SIPA1L2: variants seen among roughly 807,000 people sequenced by gnomAD.
SIPA1L2 encodes signal-induced proliferation-associated 1-like protein 2.
Under a neutral mutation model 163.9 loss-of-function variants are expected in SIPA1L2, and 56 were observed. The observed-to-expected ratio is 0.34, with a 90% CI of 0.28 to 0.43. SIPA1L2 has a LOEUF of 0.43. Ranked by LOEUF, SIPA1L2 falls within the 20% of genes least tolerant of loss-of-function variation. SIPA1L2 has a pLI of 1.00. For synonymous variants in SIPA1L2, 877 were observed against 865.7 expected, an observed-to-expected ratio of 1.01 and a Z score of -0.23; for missense variants, 1,974 against 2,193.5, an observed-to-expected ratio of 0.90 and a Z score of 2.00.
At chr1:232,544,050 A>G (rs1401389776) in intron 2 of SIPA1L2, among the ~76,000 whole-genome samples, 3 of 152,166 alleles carry the variant, frequency 2.0e-5, no homozygotes, top group Non-Finnish European at 2.9e-5. Flanking sequence ...ATATTTTCAC[A>G]GCAAATGTTT....
At chr1:232,592,919 T>C (rs966661166) in intron 1 of SIPA1L2, among the ~76,000 whole-genome samples, 1 of 152,106 alleles carries the variant, frequency 6.6e-6, no homozygotes, top group African/African-American at 2.4e-5. Context: ...TAGTCCCAAG[T>C]AATGAAGAGA....
chr1:232,399,051 C>T lies in SIPA1L2; in HGVS notation c.*76G>A, dbSNP rs1232859261. On this transcript the variant is annotated 3_prime_UTR_variant, in exon 23 of 23. Coordinates refer to ENST00000674635, the MANE Select transcript of SIPA1L2 (RefSeq NM_020808.5). The stretch of plus-strand genomic sequence containing the variant: ...ACATCTACGATTGGTTGAAAGCACA[C>T]AGAAAAACCACATGTTTGTGACTTC... The T allele has an allele frequency of 1.3e-6, 2 of 1,594,636 alleles. No individual in the cohort carries two copies. Among genetic ancestry groups the T allele is most frequent in the African/African-American group, 2.7e-5 (2 of 74,564 alleles).
chr1:232,580,629 C>T (rs895124721), intron 1 of SIPA1L2, among the ~76,000 whole-genome samples: 1 of 152,140 alleles, frequency 6.6e-6, no homozygotes, highest in African/African-American at 2.4e-5. Context: ...GCAGATGAAA[C>T]CTCACATGGG....
intron 10 of SIPA1L2, among the ~76,000 whole-genome samples, chr1:232,458,620 G>A (rs1664058432): frequency 6.6e-6 from 1 of 152,134 alleles, no homozygotes; most frequent in African/African-American, 2.4e-5. Context: ...ATAGTAATCG[G>A]CTGCTAGGAC....
chr1:232,519,708 G>A (rs1667377812), intron 2 of SIPA1L2, among the ~76,000 whole-genome samples: 1 of 152,138 alleles, frequency 6.6e-6, no homozygotes, highest in Non-Finnish European at 1.5e-5. Flanking sequence ...TTTTTCCTTA[G>A]AAAGCAAACG....
chr1:232,527,880 T>C (rs2103075855), intron 2 of SIPA1L2, among the ~76,000 whole-genome samples: 1 of 151,206 alleles, frequency 6.6e-6, no homozygotes, highest in East Asian at 1.9e-4. Flanking sequence ...TACAAGTATG[T>C]ACCACCATGC....
chr1:232,541,578 C>T (rs1342962607), intron 2 of SIPA1L2, among the ~76,000 whole-genome samples: 2 of 152,190 alleles, frequency 1.3e-5, no homozygotes, highest in Non-Finnish European at 2.9e-5. Context: ...TCAATATCTG[C>T]ATCTCTTAGT....
chr1:232,403,919 G>C (rs973782887), intron 20 of SIPA1L2, among the ~76,000 whole-genome samples: 8 of 152,120 alleles, frequency 5.3e-5, no homozygotes, highest in Non-Finnish European at 1.0e-4. Context: ...ATAATGACTC[G>C]ACTGACAGAA....
intron 2 of SIPA1L2, among the ~76,000 whole-genome samples, chr1:232,561,878 G>C (rs149441628): frequency 1.3e-5 from 2 of 152,190 alleles, no homozygotes; most frequent in Non-Finnish European, 2.9e-5. Context: ...TGGGTACTTC[G>C]GCAAAGGCCT....
chr1:232,512,573 C>T (rs1031812835), intron 3 of SIPA1L2, among the ~76,000 whole-genome samples: 20 of 152,212 alleles, frequency 1.3e-4, no homozygotes, highest in African/African-American at 3.4e-4. Flanking sequence ...TTTGCAGGGA[C>T]ATGGATGAAG....
intron 1 of SIPA1L2, among the ~76,000 whole-genome samples, chr1:232,628,910 G>T (rs1188947945): frequency 6.7e-6 from 1 of 149,914 alleles, no homozygotes; most frequent in African/African-American, 2.5e-5. Context: ...ATTCTTTGAG[G>T]GTTTTTTTCC....
At position 232,398,166 on chromosome 1, in the gene SIPA1L2, C is replaced by T. The variant is rs1241550925; in HGVS notation, c.*961G>A. 3.3e-5 allele frequency: 5 copies of T among 152,544 alleles called. No homozygotes were observed. The highest frequency in any genetic ancestry group is 9.7e-5 in the African/African-American group (4 of 41,416). 9.4% of individuals were successfully genotyped at this position (152,544 alleles called of 1,614,324 possible). A position where few individuals can be genotyped will look rare whatever the true frequency, so the allele number is the denominator to read the frequency against. On this transcript the variant is annotated 3_prime_UTR_variant, in exon 23 of 23. Transcript: ENST00000674635. ...GCCTGCAGCTACCTCCATCCCTCAT[C>T]GTAGTGCAGGCCAAACCAAATTTTA...
At chr1:232,423,305 A>G (rs1460542002) in intron 18 of SIPA1L2, among the ~76,000 whole-genome samples, 4 of 152,198 alleles carry the variant, frequency 2.6e-5, no homozygotes, top group Non-Finnish European at 4.4e-5. Flanking sequence ...ACATGGCCCC[A>G]TCGTAAGTCA....
chr1:232,567,795 A>G (rs1659490380), intron 2 of SIPA1L2, among the ~76,000 whole-genome samples: 1 of 152,240 alleles, frequency 6.6e-6, no homozygotes, highest in Admixed American at 6.5e-5. Flanking sequence ...GGGCTGGTCA[A>G]CTGAAAGACC....
At chr1:232,596,228 C>A (rs1661248313) in intron 1 of SIPA1L2, among the ~76,000 whole-genome samples, 1 of 152,236 alleles carries the variant, frequency 6.6e-6, no homozygotes, top group Admixed American at 6.5e-5. Context: ...GAATATACTG[C>A]ATGCTCTTAG....
At chr1:232,506,763 T>C (rs1192691695) in intron 3 of SIPA1L2, among the ~76,000 whole-genome samples, 1 of 152,252 alleles carries the variant, frequency 6.6e-6, no homozygotes, top group East Asian at 1.9e-4. Flanking sequence ...ACAAGAATTC[T>C]ATGGTCGTTC....
chr1:232,428,672 C>G, intron 16 of SIPA1L2, 108 bp from the exon 17 acceptor site: 1 of 738,526 alleles, frequency 1.4e-6, no homozygotes, highest in Non-Finnish European at 2.0e-6. Flanking sequence ...CATACAAACA[C>G]TTCTTAGGTC....
intron 20 of SIPA1L2, 110 bp downstream of exon 20, chr1:232,404,015 T>G: frequency 8.1e-7 from 1 of 1,236,588 alleles, no homozygotes; most frequent in Non-Finnish European, 1.2e-6. Context: ...TGTCCCGCTG[T>G]GCACCCCCAA....
At chr1:232,569,184 A>G (rs976808476) in intron 2 of SIPA1L2, among the ~76,000 whole-genome samples, 3 of 152,242 alleles carry the variant, frequency 2.0e-5, no homozygotes, top group Non-Finnish European at 4.4e-5. Context: ...ATGAAATAAA[A>G]TGTTTCAAAA....
Sources: allele counts gnomAD v4.1 joint callset (sites outside exome capture counted in the v4.1 genomes callset), GRCh38; gene constraint gnomAD v4.1.1; transcripts MANE v1.5; gene names NCBI Gene and HGNC (gene_info 2026-07-23, HGNC 2026-07-21).